The following OLFML2B variants were observed in gnomAD, a reference collection of about 807,000 sequenced individuals.
The protein encoded by OLFML2B is olfactomedin-like protein 2B.
Under a neutral mutation model 74.9 loss-of-function variants are expected in OLFML2B, and 57 were observed. The ratio of observed to expected loss-of-function variants is 0.76; its 90% CI spans 0.61 to 0.95. The LOEUF is 0.95. OLFML2B is among the 40% of genes least tolerant of loss of function. OLFML2B has a pLI of 0.00. For missense variants in OLFML2B, 986 were observed against 970.6 expected, an observed-to-expected ratio of 1.02 and a Z score of -0.21; for synonymous variants, 388 against 405.8, an observed-to-expected ratio of 0.96 and a Z score of 0.53.
At chr1:162,011,007 A>G (rs1046767950) in intron 3 of OLFML2B, among the ~76,000 whole-genome samples, 13 of 152,184 alleles carry the variant, frequency 8.5e-5, no homozygotes, top group African/African-American at 3.1e-4. Flanking sequence ...TCCATAGCAG[A>G]CATGCAGGTG....
At chr1:161,984,379 G>A (rs1359842147) in intron 7 of OLFML2B, 103 bp from the exon 8 acceptor site, 2 of 1,458,382 alleles carry the variant, frequency 1.4e-6, no homozygotes, top group African/African-American at 2.8e-5. Context: ...TGGAAACCCA[G>A]GTTTGTGTCT....
intron 3 of OLFML2B, among the ~76,000 whole-genome samples, 179 bp downstream of exon 3, chr1:162,017,221 T>C (rs1690564374): frequency 1.3e-5 from 2 of 152,250 alleles, no homozygotes; most frequent in Non-Finnish European, 2.9e-5. Context: ...ACTGATTTTC[T>C]TTGTCACCAA....
At chr1:161,994,730 C>T (rs531410927) in intron 6 of OLFML2B, among the ~76,000 whole-genome samples, 1 of 152,334 alleles carries the variant, frequency 6.6e-6, no homozygotes, top group Admixed American at 6.5e-5. Context: ...TAGAGCTACA[C>T]TACGGCCAAA....
chr1:161,998,791 T>C (rs555046261), intron 5 of OLFML2B, among the ~76,000 whole-genome samples: 1 of 152,240 alleles, frequency 6.6e-6, no homozygotes, highest in South Asian at 2.1e-4. Flanking sequence ...GAAGGTGCTA[T>C]GGGGAACAAA....
At chr1:162,005,591 C>T (rs72712100) in intron 4 of OLFML2B, among the ~76,000 whole-genome samples, 1,707 of 152,234 alleles carry the variant, frequency 0.011, 7 homozygotes, top group Non-Finnish European at 0.016. Context: ...AAAGAGGGTG[C>T]TACTAATAAC....
Position 162,020,170 on chromosome 1 carries a change from A to G in OLFML2B, c.187T>C (p.Tyr63His), listed in dbSNP as rs764296512. 1.2e-6 allele frequency: 2 copies of G among 1,613,954 alleles called. No individual in the cohort carries two copies. The highest frequency in any genetic ancestry group is 2.7e-5 in the African/African-American group (2 of 74,930). The change falls in exon 2 of 8, where the codon TAT (tyrosine) becomes CAT (histidine). Residue 63 changes from tyrosine (Y) to histidine (H), a missense_variant. Physicochemically the swap from Tyr to His is moderately conservative, Grantham distance 83. Transcript: ENST00000294794. ...ENVLSQLLGD[Y>H]DKVKAMSEGS... ...TCAGACATAGCCTTGACCTTGTCAT[A>G]GTCCCCCAGCAACTAGACACACAGA... is the stretch of plus-strand genomic sequence containing the variant.
chr1:161,994,180 G>T (rs992931700), intron 6 of OLFML2B, among the ~76,000 whole-genome samples: 1 of 152,234 alleles, frequency 6.6e-6, no homozygotes, highest in Non-Finnish European at 1.5e-5. Context: ...TGTGGAGCTG[G>T]GGCTGGGGGA....
chr1:161,996,571 T>G (rs1368233963), intron 6 of OLFML2B, among the ~76,000 whole-genome samples: 1 of 152,256 alleles, frequency 6.6e-6, no homozygotes, highest in African/African-American at 2.4e-5. Context: ...ATCAAGTGTA[T>G]TTTTCAACAA....
At chr1:161,995,881 C>A (rs551310627) in intron 6 of OLFML2B, among the ~76,000 whole-genome samples, 6 of 152,182 alleles carry the variant, frequency 3.9e-5, no homozygotes, top group Non-Finnish European at 8.8e-5. Flanking sequence ...GGGAAGTTCA[C>A]TTCCATGGCA....
chr1:161,987,556 C>T (rs780050651), intron 6 of OLFML2B, among the ~76,000 whole-genome samples: 1 of 152,166 alleles, frequency 6.6e-6, no homozygotes, highest in South Asian at 2.1e-4. Context: ...AGGCAAGAAA[C>T]GGATTCTCCC....
intron 6 of OLFML2B, among the ~76,000 whole-genome samples, chr1:161,989,655 ATATCTT>A (rs1237142421): frequency 1.3e-5 from 2 of 152,214 alleles, no homozygotes; most frequent in African/African-American, 4.8e-5. Context: ...ACCATCTTGA[ATATCTT>A]AATATTTTCA....
intron 4 of OLFML2B, among the ~76,000 whole-genome samples, chr1:162,002,530 C>G (rs1440575015): frequency 1.3e-5 from 2 of 152,226 alleles, no homozygotes; most frequent in East Asian, 3.8e-4. Context: ...AGAAGCAAAC[C>G]AGGCTCTTGC....
intron 6 of OLFML2B, among the ~76,000 whole-genome samples, chr1:161,992,713 G>A (rs1689775446): frequency 6.6e-6 from 1 of 152,300 alleles, no homozygotes; most frequent in African/African-American, 2.4e-5. Context: ...GCCAGTTGGG[G>A]GAGCAGCAGA....
At position 162,015,251 on chromosome 1, in the gene OLFML2B, T is replaced by G. The variant is rs143315400; in HGVS notation, c.546+2149A>C. Among the ~76,000 whole-genome samples the G allele has an allele frequency of 2.0e-5, 3 of 152,342 alleles. No homozygotes were observed. In the South Asian group the frequency reaches 6.2e-4, roughly 32 times the overall value. ...AAAACGAGGTTACTGTGTGACTGTA[T>G]AGACGATACCACCCTGCTGGGGCAC... On this transcript the variant is annotated intron_variant, in intron 3 of 7. Transcript: ENST00000294794.
chr1:162,000,267 T>G lies in OLFML2B; in HGVS notation c.795A>C (p.Arg265=). The G allele has an allele frequency of 6.2e-7, 1 of 1,613,256 alleles. No individual in the cohort carries two copies. Among genetic ancestry groups the G allele is most frequent in the Non-Finnish European group, 8.5e-7 (1 of 1,179,970 alleles). The change falls in exon 5 of 8, where the codon CGA becomes CGC. Residue 265 remains arginine, a synonymous_variant. Transcript: ENST00000294794. ...TCACCACCTCAGGCAGAGCCAGGGG[T>G]CGCGTCTGCAGAAGTTCGATGGAGT... The part of the protein sequence containing the change: ...QINSIELLQT[R]PLALPEVVKS...
chr1:162,005,786 T>C (rs1690208122), intron 4 of OLFML2B, among the ~76,000 whole-genome samples: 1 of 151,508 alleles, frequency 6.6e-6, no homozygotes, highest in Non-Finnish European at 1.5e-5. Context: ...GTGCCTGTAG[T>C]CCTAGCTAAT....
At chr1:161,989,658 T>C (rs1482427154) in intron 6 of OLFML2B, among the ~76,000 whole-genome samples, 1 of 152,174 alleles carries the variant, frequency 6.6e-6, no homozygotes, top group Non-Finnish European at 1.5e-5. Flanking sequence ...ATCTTGAATA[T>C]CTTAATATTT....
At chr1:161,999,656 T>G (rs1286440421) in intron 5 of OLFML2B, among the ~76,000 whole-genome samples, 17 of 151,928 alleles carry the variant, frequency 1.1e-4, no homozygotes. Flanking sequence ...AAACGTGATG[T>G]GAAAAGGGAT....
intron 6 of OLFML2B, among the ~76,000 whole-genome samples, chr1:161,987,678 C>T (rs1489980614): frequency 2.0e-5 from 3 of 152,162 alleles, no homozygotes; most frequent in African/African-American, 7.2e-5. Context: ...CTGTTTTTAG[C>T]AACTAAGCTT....
Sources: allele counts gnomAD v4.1 joint callset (sites outside exome capture counted in the v4.1 genomes callset), GRCh38; gene constraint gnomAD v4.1.1; transcripts MANE v1.5; gene names NCBI Gene and HGNC (gene_info 2026-07-23, HGNC 2026-07-21).